FBXL20: variants seen among roughly 807,000 people sequenced by gnomAD.
The protein encoded by FBXL20 is F-box/LRR-repeat protein 20.
FBXL20 carries 11 observed loss-of-function variants against 64.0 expected under a neutral mutation model. The ratio of observed to expected loss-of-function variants is 0.17; its 90% CI spans 0.11 to 0.28. The LOEUF (loss-of-function observed/expected upper bound fraction) is 0.28, where lower values mean the gene tolerates loss of function less well. Among genes scored for constraint, FBXL20 ranks in the 10% least tolerant of loss-of-function variants. FBXL20 has a pLI of 1.00. For missense variants in FBXL20, 303 were observed against 526.2 expected, an observed-to-expected ratio of 0.58 and a Z score of 4.15; for synonymous variants, 184 against 189.0, an observed-to-expected ratio of 0.97 and a Z score of 0.22.
intron 9 of FBXL20, among the ~76,000 whole-genome samples, chr17:39,276,790 G>T (rs1053591734): frequency 6.6e-6 from 1 of 152,100 alleles, no homozygotes; most frequent in African/African-American, 2.4e-5. Flanking sequence ...TCACATCAAA[G>T]ATGTTATATT....
intron 12 of FBXL20, among the ~76,000 whole-genome samples, chr17:39,268,117 C>T (rs943325359): frequency 3.3e-5 from 5 of 152,008 alleles, no homozygotes; most frequent in Non-Finnish European, 7.4e-5. Flanking sequence ...TTTGGGAGGG[C>T]GAGCCAAGTG....
chr17:39,320,461 T>A (rs1201997811), intron 2 of FBXL20, among the ~76,000 whole-genome samples: 5 of 152,166 alleles, frequency 3.3e-5, no homozygotes. Flanking sequence ...GTTTACCAAC[T>A]TCTGACTCTA....
At chr17:39,315,857 G>A (rs1010283100) in intron 2 of FBXL20, among the ~76,000 whole-genome samples, 1 of 125,458 alleles carries the variant, frequency 8.0e-6, no homozygotes, top group Non-Finnish European at 1.7e-5. Flanking sequence ...GAGAGAGAGA[G>A]AGAGAGAGAG....
intron 1 of FBXL20, 115 bp downstream of exon 1, chr17:39,401,246 C>T (rs2048239736): frequency 1.3e-6 from 2 of 1,577,708 alleles, no homozygotes; most frequent in African/African-American, 2.7e-5. Context: ...GGCAGCCCCG[C>T]CAGTGGGTGG....
intron 2 of FBXL20, among the ~76,000 whole-genome samples, chr17:39,325,795 G>C (rs934891658): frequency 6.6e-6 from 1 of 152,102 alleles, no homozygotes; most frequent in African/African-American, 2.4e-5. Context: ...TGGCACCCAT[G>C]ACAGGCAGTT....
At chr17:39,324,338 G>A (rs2047389583) in intron 2 of FBXL20, among the ~76,000 whole-genome samples, 1 of 147,934 alleles carries the variant, frequency 6.8e-6, no homozygotes, top group Non-Finnish European at 1.5e-5. Context: ...ACCTAGGCTG[G>A]AGTGCAGTGG....
chr17:39,337,095 C>T (rs1318365409), intron 2 of FBXL20, among the ~76,000 whole-genome samples: 2 of 151,898 alleles, frequency 1.3e-5, no homozygotes, highest in Non-Finnish European at 2.9e-5. Flanking sequence ...GCCTGATTCT[C>T]CTGCCTCAGC....
At chr17:39,401,699 C>T (rs1186111463), upstream of FBXL20, 2 of 1,155,026 alleles carry the variant, frequency 1.7e-6, no homozygotes, top group Non-Finnish European at 2.1e-6. Context: ...TGGACAGAGC[C>T]GCCCGGGCCT....
At chr17:39,337,885 C>T (rs1416871077) in intron 2 of FBXL20, among the ~76,000 whole-genome samples, 2 of 151,430 alleles carry the variant, frequency 1.3e-5, no homozygotes, top group African/African-American at 2.4e-5. Context: ...AGGCCCCGCC[C>T]GGCCAGCCAC....
intron 1 of FBXL20, among the ~76,000 whole-genome samples, chr17:39,395,532 C>A (rs185688673): frequency 7.9e-5 from 12 of 152,274 alleles, no homozygotes; most frequent in Admixed American, 7.2e-4. Flanking sequence ...AAAGCCCAGG[C>A]CTTTGCTATG....
At chr17:39,261,653 C>T in intron 14 of FBXL20, 86 bp from the exon 15 acceptor site, 1 of 968,328 alleles carries the variant, frequency 1.0e-6, no homozygotes, top group Non-Finnish European at 1.6e-6. Flanking sequence ...TACCGAGGGG[C>T]TCAATGAACA....
At chr17:39,335,567 A>T (rs2144551706) in intron 2 of FBXL20, among the ~76,000 whole-genome samples, 1 of 126,280 alleles carries the variant, frequency 7.9e-6, no homozygotes, top group East Asian at 2.5e-4. Flanking sequence ...TGGGCAACAG[A>T]GTGAGACTCC....
intron 1 of FBXL20, among the ~76,000 whole-genome samples, chr17:39,400,284 G>A (rs1348733193): frequency 2.6e-5 from 4 of 152,146 alleles, no homozygotes; most frequent in African/African-American, 9.7e-5. Flanking sequence ...CGCATAATAA[G>A]AAATCAAAGA....
At chr17:39,344,597 C>T (rs1395463927) in intron 1 of FBXL20, among the ~76,000 whole-genome samples, 1 of 151,616 alleles carries the variant, frequency 6.6e-6, no homozygotes, top group Non-Finnish European at 1.5e-5. Flanking sequence ...ACCAGCCTGG[C>T]CAACATGGCG....
chr17:39,390,122 C>T (rs1349296727), intron 1 of FBXL20, among the ~76,000 whole-genome samples: 2 of 152,044 alleles, frequency 1.3e-5, no homozygotes, highest in African/African-American at 4.8e-5. Flanking sequence ...CATAGGCATT[C>T]CTGTTTAATA....
rs371351018 is a variant in FBXL20 at position 39,356,840 on chromosome 17, T to C, written c.43-13599A>G. Among the ~76,000 whole-genome samples the C allele has an allele frequency of 2.8e-3, 430 of 151,496 alleles. 3 individuals carry two copies. The Middle Eastern group carries it at 0.066, about 23-fold the overall frequency. The stretch of plus-strand genomic sequence containing the variant: ...CTGGCTAATTTTTTTTTTTTTAATT[T>C]TGCAGTAGAGACAAGGTCTCACTAT... On this transcript the variant is annotated intron_variant, in intron 1 of 14. Transcript: ENST00000264658.
At chr17:39,324,297 T>TA (rs1437393861) in intron 2 of FBXL20, among the ~76,000 whole-genome samples, 1 of 144,364 alleles carries the variant, frequency 6.9e-6, no homozygotes, top group African/African-American at 2.7e-5. Context: ...GTGATTTTTC[T>TA]TTTTTTTTTA....
chr17:39,316,913 T>C (rs1203468082), intron 2 of FBXL20, among the ~76,000 whole-genome samples: 2 of 152,202 alleles, frequency 1.3e-5, no homozygotes, highest in East Asian at 1.9e-4. Flanking sequence ...CACTTGAACC[T>C]GGGAGGCGGA....
At chr17:39,303,479 T>C (rs1218023570) in intron 3 of FBXL20, 106 bp downstream of exon 3, 4 of 933,146 alleles carry the variant, frequency 4.3e-6, no homozygotes, top group Non-Finnish European at 6.3e-6. Flanking sequence ...CTTTAAAACA[T>C]GAAAACATAC....
Sources: allele counts gnomAD v4.1 joint callset (sites outside exome capture counted in the v4.1 genomes callset), GRCh38; gene constraint gnomAD v4.1.1; transcripts MANE v1.5; gene names NCBI Gene and HGNC (gene_info 2026-07-23, HGNC 2026-07-21).